The following SERGEF variants were observed in gnomAD, a reference collection of about 807,000 sequenced individuals.
SERGEF encodes secretion regulating guanine nucleotide exchange factor.
A neutral mutation model predicts 50.0 loss-of-function variants in SERGEF; 51 were observed. The observed-to-expected ratio is 1.02, with a 90% CI of 0.81 to 1.29. The LOEUF (loss-of-function observed/expected upper bound fraction) is 1.29. SERGEF is among the 50% of genes most tolerant of loss of function. The pLI is 0.00. For synonymous variants in SERGEF, 205 were observed against 212.4 expected, an observed-to-expected ratio of 0.97 and a Z score of 0.30; for missense variants, 521 against 557.0, an observed-to-expected ratio of 0.94 and a Z score of 0.65.
Position 18,013,036 on chromosome 11 carries a change from G to C in SERGEF, c.-26C>G. Reference sequence around the variant, plus strand: ...GCGAGGACGCTCCGCCGGCGCTTCCGGGAGGGACGGCACGGGGGCGGCGCC... The same window carrying C: ...GCGAGGACGCTCCGCCGGCGCTTCCCGGAGGGACGGCACGGGGGCGGCGCC... On this transcript the variant is annotated 5_prime_UTR_variant, in exon 1 of 11. Coordinates refer to ENST00000265965, the MANE Select transcript of SERGEF (RefSeq NM_012139.4). This position sits in a 1 kb window ranked among gnomAD's most constrained non-coding sequence, Gnocchi z 4.3. 7.4e-7 allele frequency: 1 copy of C among 1,352,108 alleles called. No individual in the cohort carries two copies. Among genetic ancestry groups the C allele is most frequent in the Non-Finnish European group, 9.4e-7 (1 of 1,062,174 alleles). The allele number at this position is 1,352,108 out of a possible 1,614,324, so 83.8% of individuals were successfully genotyped here. A position where few individuals can be genotyped will look rare whatever the true frequency, so the allele number is the denominator to read the frequency against.
chr11:17,858,800 C>A (rs1423597020), intron 10 of SERGEF, among the ~76,000 whole-genome samples: 2 of 151,808 alleles, frequency 1.3e-5, no homozygotes, highest in Non-Finnish European at 2.9e-5. Flanking sequence ...CACCTCTAAG[C>A]CTGAAGAAGT....
intron 9 of SERGEF, among the ~76,000 whole-genome samples, chr11:17,923,795 T>C (rs1283932007): frequency 1.3e-5 from 2 of 152,174 alleles, no homozygotes; most frequent in African/African-American, 4.8e-5. Flanking sequence ...TCTGCTGCCA[T>C]AGCACCCTGG....
chr11:17,904,223 C>T lies in SERGEF; in HGVS notation c.1012-25979G>A, dbSNP rs1851798857. Among the ~76,000 whole-genome samples, 3 of 152,186 alleles carry T rather than the reference C, an allele frequency of 2.0e-5. No homozygotes were observed. The South Asian group carries it at 6.2e-4, about 32-fold the overall frequency. ...CCAAGGCTGGAAGTAGGAACATTGG[C>T]CACAGCCTGAACCAGTGAAGCAGAA... On this transcript the variant is annotated intron_variant, in intron 9 of 10. Coordinates refer to ENST00000265965, the MANE Select transcript of SERGEF (RefSeq NM_012139.4).
intron 3 of SERGEF, 124 bp from the exon 4 acceptor site, chr11:18,004,659 T>C: frequency 3.0e-6 from 2 of 666,676 alleles, no homozygotes; most frequent in Non-Finnish European, 5.3e-6. Flanking sequence ...ATTCAGACCA[T>C]ATTCCCTGCT....
At chr11:17,899,216 A>G (rs986358964) in intron 9 of SERGEF, among the ~76,000 whole-genome samples, 5 of 152,224 alleles carry the variant, frequency 3.3e-5, no homozygotes, top group African/African-American at 4.8e-5. Flanking sequence ...GAGAACAGAT[A>G]AATACCAGGG....
At chr11:17,936,685 G>C (rs541750319) in intron 9 of SERGEF, among the ~76,000 whole-genome samples, 4 of 152,282 alleles carry the variant, frequency 2.6e-5, no homozygotes, top group African/African-American at 4.8e-5. Flanking sequence ...ATTTCACAGA[G>C]AGACTCACAG....
intron 9 of SERGEF, among the ~76,000 whole-genome samples, chr11:17,889,867 T>C (rs1347068589): frequency 2.0e-5 from 3 of 151,710 alleles, no homozygotes; most frequent in Non-Finnish European, 4.4e-5. Context: ...TAATCTGTGG[T>C]GAAAGTTTAG....
intron 10 of SERGEF, among the ~76,000 whole-genome samples, chr11:17,844,728 C>T (rs1217874402): frequency 6.6e-6 from 1 of 152,112 alleles, no homozygotes; most frequent in Non-Finnish European, 1.5e-5. Flanking sequence ...GAAAGGTCCC[C>T]TGCCCTTCCA....
intron 8 of SERGEF, among the ~76,000 whole-genome samples, chr11:17,969,473 T>G (rs1168591151): frequency 6.6e-6 from 1 of 152,112 alleles, no homozygotes; most frequent in Non-Finnish European, 1.5e-5. Flanking sequence ...CTTCTGCAGC[T>G]AAGAATCACA....
intron 10 of SERGEF, among the ~76,000 whole-genome samples, chr11:17,864,626 C>T (rs1462229889): frequency 6.6e-6 from 1 of 152,120 alleles, no homozygotes; most frequent in Non-Finnish European, 1.5e-5. Flanking sequence ...GTGGTAGTGG[C>T]AACGAATATA....
chr11:17,853,320 A>C (rs1474844735), intron 10 of SERGEF, among the ~76,000 whole-genome samples: 1 of 152,134 alleles, frequency 6.6e-6, no homozygotes, highest in African/African-American at 2.4e-5. Context: ...GCACATGAGA[A>C]ATGTTAAGTG....
At chr11:17,963,104 C>T (rs1264754031) in intron 8 of SERGEF, among the ~76,000 whole-genome samples, 1 of 149,534 alleles carries the variant, frequency 6.7e-6, no homozygotes, top group Non-Finnish European at 1.5e-5. Context: ...ATCACTTGAA[C>T]CTGGGAGGCA....
At chr11:17,795,867 A>G (rs1381566973) in intron 10 of SERGEF, among the ~76,000 whole-genome samples, 2 of 152,162 alleles carry the variant, frequency 1.3e-5, no homozygotes, top group African/African-American at 4.8e-5. Context: ...GGGCATGGAC[A>G]GTGGTGTTTA....
chr11:17,864,407 C>T (rs560860780), intron 10 of SERGEF, among the ~76,000 whole-genome samples: 1 of 152,216 alleles, frequency 6.6e-6, no homozygotes, highest in South Asian at 2.1e-4. Flanking sequence ...GAAAAATCCA[C>T]CTTGATTGAG....
intron 9 of SERGEF, among the ~76,000 whole-genome samples, chr11:17,950,077 C>G (rs957455952): frequency 2.0e-5 from 3 of 152,146 alleles, no homozygotes; most frequent in Non-Finnish European, 4.4e-5. Flanking sequence ...TTGACAGAAG[C>G]TGGATCAAGA....
intron 9 of SERGEF, among the ~76,000 whole-genome samples, chr11:17,914,111 G>T (rs1852003357): frequency 6.6e-6 from 1 of 152,160 alleles, no homozygotes; most frequent in South Asian, 2.1e-4. Flanking sequence ...CAGCCAAAAT[G>T]AACTACTTGC....
chr11:17,963,316 T>G (rs1316990721), intron 8 of SERGEF, among the ~76,000 whole-genome samples: 2 of 126,340 alleles, frequency 1.6e-5, no homozygotes, highest in Non-Finnish European at 3.1e-5. Flanking sequence ...TGGATCTGGA[T>G]CTCACCCTCC....
intron 1 of SERGEF, chr11:18,010,350 C>T: frequency 4.7e-6 from 1 of 211,954 alleles, no homozygotes; most frequent in Non-Finnish European, 9.8e-6. Flanking sequence ...GTGCTTCTCT[C>T]CATACTGTGC....
rs894564425 is a variant in SERGEF at position 17,888,944 on chromosome 11, T to C, written c.1012-10700A>G. ...CTAGCCAGCCTGAAACAGCTCCCACTAGCTAAATCAGGGAGAACTTGAGCT... is the reference window on the plus strand; with the variant it reads ...CTAGCCAGCCTGAAACAGCTCCCACCAGCTAAATCAGGGAGAACTTGAGCT... On this transcript the variant is annotated intron_variant, in intron 9 of 10. Transcript: ENST00000265965. The surrounding 1 kb of genome is among the most constrained non-coding windows in gnomAD (Gnocchi z 4.1). Among the ~76,000 whole-genome samples, 1 of 152,156 alleles carries C rather than the reference T, an allele frequency of 6.6e-6. No individual in the cohort carries two copies. Among genetic ancestry groups the C allele is most frequent in the Non-Finnish European group, 1.5e-5 (1 of 68,028 alleles).
Sources: gnomAD v4.1 joint callset for allele counts (sites outside exome capture counted in the v4.1 genomes callset) on GRCh38, gnomAD v4.1.1 for gene constraint, Gnocchi (gnomAD v3.1) non-coding constraint, MANE v1.5 for transcripts, NCBI Gene and HGNC (gene_info 2026-07-23, HGNC 2026-07-21) for gene names.